The following FGF12 variants were observed in gnomAD, a reference collection of about 807,000 sequenced individuals.
FGF12 encodes fibroblast growth factor 12.
A neutral mutation model predicts 23.6 loss-of-function variants in FGF12; 14 were observed. The observed-to-expected ratio is 0.59, with a 90% CI of 0.39 to 0.93. The LOEUF is 0.93. Ranked by LOEUF, FGF12 falls within the 40% of genes least tolerant of loss-of-function variation. The pLI is 0.00. For missense variants in FGF12, 175 were observed against 217.8 expected (o/e 0.80, Z 1.24); for synonymous variants, 62 against 77.3 (o/e 0.80, Z 1.04).
chr3:192,361,264 A>G (rs1000691721), intron 2 of FGF12, among the ~76,000 whole-genome samples: 2 of 152,092 alleles, frequency 1.3e-5, no homozygotes, highest in Non-Finnish European at 2.9e-5. Flanking sequence ...CTAAACACAA[A>G]TACTTTCAAA....
At chr3:192,418,484 C>T (rs1324811152) in intron 2 of FGF12, among the ~76,000 whole-genome samples, 1 of 152,024 alleles carries the variant, frequency 6.6e-6, no homozygotes, top group Non-Finnish European at 1.5e-5. Context: ...ACTCTGCGTT[C>T]CAATTATAGG....
At chr3:192,339,422 C>A (rs114373493) in intron 3 of FGF12, among the ~76,000 whole-genome samples, 1,744 of 152,128 alleles carry the variant, frequency 0.011, 29 homozygotes, top group African/African-American at 0.04. Context: ...TGCTTACAAC[C>A]TGCAGTGATT....
intron 4 of FGF12, among the ~76,000 whole-genome samples, chr3:192,310,545 C>T (rs1487455580): frequency 3.9e-5 from 6 of 152,248 alleles, no homozygotes; most frequent in Non-Finnish European, 2.9e-5. Flanking sequence ...AGAATTGATA[C>T]ATACATTTCT....
chr3:192,673,100 T>G (rs1056815886), intron 2 of FGF12: 1 of 150,746 alleles, frequency 6.6e-6, no homozygotes, highest in Non-Finnish European at 1.5e-5. Flanking sequence ...AATAGGAAAT[T>G]GAGGATTAAA....
At chr3:192,525,334 T>C (rs921381535) in intron 2 of FGF12, among the ~76,000 whole-genome samples, 6 of 152,196 alleles carry the variant, frequency 3.9e-5, no homozygotes, top group African/African-American at 1.4e-4. Context: ...TCTTTCTCTG[T>C]AAACTTCTTG....
chr3:192,377,629 C>T (rs1246603461), intron 2 of FGF12, among the ~76,000 whole-genome samples: 1 of 152,116 alleles, frequency 6.6e-6, no homozygotes, highest in African/African-American at 2.4e-5. Context: ...GTGGTTAGAA[C>T]TGTGCAATTA....
At chr3:192,580,588 A>T (rs1471348808) in intron 2 of FGF12, among the ~76,000 whole-genome samples, 5 of 151,892 alleles carry the variant, frequency 3.3e-5, no homozygotes, top group Non-Finnish European at 7.4e-5. Context: ...CAATAAAGAG[A>T]TTTTTTTGTT....
At position 192,261,584 on chromosome 3, in the gene FGF12, G is replaced by C. The variant is rs567267424; in HGVS notation, c.228+73777C>G. On this transcript the variant is annotated intron_variant, in intron 4 of 5. Transcript: ENST00000445105. ...TCTGTAGAGCTGTGGAGATGTCATGGCTCCGCCAGAGGTTATGTCCAGGAA... is the reference window on the plus strand; with the variant it reads ...TCTGTAGAGCTGTGGAGATGTCATGCCTCCGCCAGAGGTTATGTCCAGGAA... 3.7e-4 allele frequency among the ~76,000 whole-genome samples: 57 copies of C among 152,312 alleles called. 1 individual carries two copies. The highest frequency in any genetic ancestry group is 7.8e-4 in the Admixed American group (12 of 15,292).
At chr3:192,193,953 G>A (rs1716930898) in intron 4 of FGF12, among the ~76,000 whole-genome samples, 1 of 151,894 alleles carries the variant, frequency 6.6e-6, no homozygotes, top group South Asian at 2.1e-4. Context: ...ATACATACTG[G>A]GCCAGCAGGG....
chr3:192,602,140 A>G (rs1429674635), intron 2 of FGF12, among the ~76,000 whole-genome samples: 3 of 152,168 alleles, frequency 2.0e-5, no homozygotes, highest in Admixed American at 6.6e-5. Context: ...CACCAATTCA[A>G]TTCTAACAAA....
At chr3:192,533,993 GTTT>G (rs71896275) in intron 2 of FGF12, 3 of 145,738 alleles carry the variant, frequency 2.1e-5, no homozygotes, top group Admixed American at 6.9e-5. Flanking sequence ...AGATGACAGG[GTTT>G]TTTTTTTTTT....
chr3:192,474,387 C>G (rs565667840), intron 2 of FGF12, among the ~76,000 whole-genome samples: 12 of 152,244 alleles, frequency 7.9e-5, no homozygotes, highest in African/African-American at 2.9e-4. Context: ...CTTCCCAGAC[C>G]ACAAGTTTAA....
chr3:192,524,399 C>T (rs887456692), intron 2 of FGF12, among the ~76,000 whole-genome samples: 2 of 152,166 alleles, frequency 1.3e-5, no homozygotes, highest in Non-Finnish European at 2.9e-5. Flanking sequence ...TTAGTGTTAA[C>T]TTTCAGAAAA....
intron 2 of FGF12, among the ~76,000 whole-genome samples, chr3:192,506,193 C>G (rs1724288477): frequency 6.6e-6 from 1 of 152,190 alleles, no homozygotes; most frequent in African/African-American, 2.4e-5. Context: ...CTTGTCCAAT[C>G]AAAGCTACAG....
rs1724582071 is a variant in FGF12 at position 192,514,190 on chromosome 3, C to T, written c.14-153652G>A. ...ATCTCCAGGGGAAACGTACCCCTAA[C>T]CACCGCCAGATGTCTACTTTTCAGA... is the stretch of plus-strand genomic sequence containing the variant. On this transcript the variant is annotated intron_variant, in intron 2 of 5. Transcript: ENST00000445105. This position sits in a 1 kb window ranked among gnomAD's most constrained non-coding sequence, Gnocchi z 4.9. 6.6e-6 allele frequency among the ~76,000 whole-genome samples: 1 copy of T among 152,222 alleles called. No homozygotes were observed. Among genetic ancestry groups the T allele is most frequent in the South Asian group, 2.1e-4 (1 of 4,832 alleles).
At chr3:192,594,050 C>T (rs1036158050) in intron 2 of FGF12, among the ~76,000 whole-genome samples, 3 of 151,838 alleles carry the variant, frequency 2.0e-5, no homozygotes, top group African/African-American at 7.3e-5. Flanking sequence ...AGCAAATCTG[C>T]TAAAATTTTC....
chr3:192,147,844 C>T (rs1713811007), intron 5 of FGF12, among the ~76,000 whole-genome samples: 1 of 151,468 alleles, frequency 6.6e-6, no homozygotes, highest in South Asian at 2.1e-4. Flanking sequence ...ATTCTTATGT[C>T]TGTATGTTAA....
chr3:192,185,766 A>G (rs935423531), intron 4 of FGF12, among the ~76,000 whole-genome samples: 3 of 151,952 alleles, frequency 2.0e-5, no homozygotes, highest in Admixed American at 6.6e-5. Flanking sequence ...AGGCTGAGGC[A>G]GAGAAATGCT....
chr3:192,665,655 T>C (rs1716842676), intron 2 of FGF12, among the ~76,000 whole-genome samples: 1 of 152,092 alleles, frequency 6.6e-6, no homozygotes, highest in African/African-American at 2.4e-5. Context: ...ACCTAATGCA[T>C]GCAGGGCTTA....
Sources: allele counts gnomAD v4.1 joint callset (sites outside exome capture counted in the v4.1 genomes callset), GRCh38; gene constraint gnomAD v4.1.1; non-coding constraint Gnocchi (gnomAD v3.1); transcripts MANE v1.5; gene names NCBI Gene and HGNC (gene_info 2026-07-23, HGNC 2026-07-21).